The following PCDH9 variants were observed in gnomAD, a reference collection of about 807,000 sequenced individuals.
The protein encoded by PCDH9 is protocadherin 9, also known as protocadherin-9.
Under a neutral mutation model 70.6 loss-of-function variants are expected in PCDH9, and 24 were observed. The ratio of observed to expected loss-of-function variants is 0.34; its 90% CI spans 0.25 to 0.48. The LOEUF (loss-of-function observed/expected upper bound fraction) is 0.48, where lower values mean the gene tolerates loss of function less well. Ranked by LOEUF, PCDH9 falls within the 20% of genes least tolerant of loss-of-function variation. The pLI is 0.99. For missense variants in PCDH9, 1,281 were observed against 1,503.6 expected, an observed-to-expected ratio of 0.85 and a Z score of 2.45; for synonymous variants, 562 against 558.5, an observed-to-expected ratio of 1.01 and a Z score of -0.09.
intron 4 of PCDH9, among the ~76,000 whole-genome samples, chr13:66,357,317 A>G (rs933713208): frequency 2.6e-5 from 4 of 152,052 alleles, no homozygotes; most frequent in Non-Finnish European, 5.9e-5. Flanking sequence ...GAAAGGTTTA[A>G]ATCAGTACAT....
intron 2 of PCDH9, chr13:67,213,751 A>G (rs2089526711): frequency 6.6e-6 from 1 of 152,148 alleles, no homozygotes; most frequent in Non-Finnish European, 1.5e-5. Flanking sequence ...GTTTTGTTTT[A>G]AATTCTTGTC....
At chr13:66,514,575 T>C (rs1959644670) in intron 4 of PCDH9, among the ~76,000 whole-genome samples, 1 of 151,934 alleles carries the variant, frequency 6.6e-6, no homozygotes, top group South Asian at 2.1e-4. Flanking sequence ...GTTAAAAAAT[T>C]TAAGTATATT....
chr13:66,424,943 C>T (rs1318699279), intron 4 of PCDH9, among the ~76,000 whole-genome samples: 2 of 151,676 alleles, frequency 1.3e-5, no homozygotes, highest in African/African-American at 2.4e-5. Flanking sequence ...CCAGTGATAC[C>T]TGCAATTATA....
intron 2 of PCDH9, among the ~76,000 whole-genome samples, chr13:66,946,770 A>T (rs2139693508): frequency 1.3e-5 from 2 of 152,170 alleles, no homozygotes; most frequent in Middle Eastern, 3.4e-3. Flanking sequence ...AACAAAAAAA[A>T]ATTCTAATAG....
intron 3 of PCDH9, among the ~76,000 whole-genome samples, chr13:66,709,728 T>C (rs1210112800): frequency 6.6e-6 from 1 of 152,122 alleles, no homozygotes; most frequent in East Asian, 1.9e-4. Context: ...TAAAAATCAT[T>C]GGCAATGAAT....
chr13:66,731,867 T>C (rs2079083726), intron 3 of PCDH9, among the ~76,000 whole-genome samples: 1 of 152,066 alleles, frequency 6.6e-6, no homozygotes, highest in Non-Finnish European at 1.5e-5. Context: ...ATAAAATTGA[T>C]ATACTGTATC....
chr13:66,812,356 A>G (rs186899298), intron 3 of PCDH9, among the ~76,000 whole-genome samples: 6 of 152,328 alleles, frequency 3.9e-5, no homozygotes, highest in Admixed American at 3.9e-4. Flanking sequence ...TGAACAAAAA[A>G]AAATCCTGGA....
intron 4 of PCDH9, among the ~76,000 whole-genome samples, chr13:66,312,556 A>C (rs1180659911): frequency 6.6e-6 from 1 of 151,744 alleles, no homozygotes; most frequent in Non-Finnish European, 1.5e-5. Context: ...GGCTGCAGTG[A>C]GCAGTGATCG....
At chr13:66,759,716 A>C (rs1367936973) in intron 3 of PCDH9, among the ~76,000 whole-genome samples, 1 of 152,088 alleles carries the variant, frequency 6.6e-6, no homozygotes, top group African/African-American at 2.4e-5. Flanking sequence ...TAGCTTATAA[A>C]AACATTTTAT....
chr13:66,748,992 A>C (rs972335614), intron 3 of PCDH9, among the ~76,000 whole-genome samples: 8 of 152,138 alleles, frequency 5.3e-5, no homozygotes, highest in African/African-American at 1.9e-4. Context: ...TGGTTTTATA[A>C]GGGGCTTCCC....
intron 4 of PCDH9, among the ~76,000 whole-genome samples, chr13:66,401,257 C>G (rs1957180269): frequency 6.6e-6 from 1 of 152,072 alleles, no homozygotes; most frequent in African/African-American, 2.4e-5. Context: ...GGGAAGGGAT[C>G]TCGTGGGAGG....
intron 3 of PCDH9, among the ~76,000 whole-genome samples, chr13:66,699,089 A>AT (rs1463005018): frequency 6.6e-6 from 1 of 151,530 alleles, no homozygotes; most frequent in Non-Finnish European, 1.5e-5. Flanking sequence ...TAATTTTTGT[A>AT]TTTTTGTAGC....
At chr13:66,442,107 C>T (rs1221288087) in intron 4 of PCDH9, among the ~76,000 whole-genome samples, 2 of 152,136 alleles carry the variant, frequency 1.3e-5, no homozygotes, top group African/African-American at 2.4e-5. Flanking sequence ...AGGATTCTAC[C>T]TCTTTCTACA....
chr13:66,955,558 G>A (rs1481014759), intron 2 of PCDH9, among the ~76,000 whole-genome samples: 1 of 152,132 alleles, frequency 6.6e-6, no homozygotes, highest in Non-Finnish European at 1.5e-5. Flanking sequence ...AGACCTCTTT[G>A]AGAAAGACAC....
intron 2 of PCDH9, among the ~76,000 whole-genome samples, chr13:67,100,346 T>C (rs2086407072): frequency 6.6e-6 from 1 of 152,196 alleles, no homozygotes; most frequent in African/African-American, 2.4e-5. Flanking sequence ...ATAGGGATTA[T>C]CTAGATTGCT....
chr13:66,427,662 C>T (rs1206274848), intron 4 of PCDH9, among the ~76,000 whole-genome samples: 2 of 151,680 alleles, frequency 1.3e-5, no homozygotes. Context: ...AACTTTTAGC[C>T]TCTTCCCACC....
chr13:66,745,211 G>A lies in PCDH9; in HGVS notation c.3139-113800C>T, dbSNP rs534298692. 6.6e-5 allele frequency among the ~76,000 whole-genome samples: 10 copies of A among 152,262 alleles called. No individual in the cohort carries two copies. In the East Asian group the frequency reaches 1.9e-3, roughly 29 times the overall value. The stretch of plus-strand genomic sequence containing the variant: ...TAAATCACTACCGAGTATTGTTGTT[G>A]ATGATGATCTGAATGATGTCTTACC... On this transcript the variant is annotated intron_variant, in intron 3 of 4. Coordinates refer to ENST00000377865, the MANE Select transcript of PCDH9 (RefSeq NM_203487.3).
chr13:66,923,905 A>T (rs2082677077), intron 2 of PCDH9, among the ~76,000 whole-genome samples: 1 of 151,842 alleles, frequency 6.6e-6, no homozygotes, highest in African/African-American at 2.4e-5. Context: ...GTTTAAATAC[A>T]GTACTTATCA....
chr13:66,858,369 G>T (rs1434365632), intron 3 of PCDH9, among the ~76,000 whole-genome samples: 1 of 152,146 alleles, frequency 6.6e-6, no homozygotes, highest in African/African-American at 2.4e-5. Context: ...TTGTGGTACA[G>T]ATGAAATGTC....
Sources: allele counts gnomAD v4.1 joint callset (sites outside exome capture counted in the v4.1 genomes callset), GRCh38; gene constraint gnomAD v4.1.1; transcripts MANE v1.5; gene names NCBI Gene and HGNC (gene_info 2026-07-23, HGNC 2026-07-21).